The following PRSS23 variants were observed in gnomAD, a reference collection of about 807,000 sequenced individuals.
The protein encoded by PRSS23 is protease, serine 23.
In PRSS23, 25 loss-of-function variants were observed where a neutral mutation model predicts 34.7. The observed-to-expected ratio is 0.72, with a 90% CI of 0.53 to 1.01. The LOEUF is 1.01. Among genes scored for constraint, PRSS23 ranks in the 50% least tolerant of loss-of-function variants. The pLI is 0.00. For missense variants in PRSS23, 445 were observed against 475.6 expected (o/e 0.94, Z 0.60); for synonymous variants, 176 against 186.6 (o/e 0.94, Z 0.46).
chr11:86,951,341 G>A lies in PRSS23; in HGVS notation c.*56G>A, dbSNP rs1413356238. Reference sequence around the variant, plus strand: ...TTTCAACATTTCAACAGCCATGTTGGAATCATCTGCAGAATACCGAAAAAG... The same window carrying A: ...TTTCAACATTTCAACAGCCATGTTGAAATCATCTGCAGAATACCGAAAAAG... On this transcript the variant is annotated 3_prime_UTR_variant, in exon 3 of 3. Coordinates refer to the PRSS23 transcript ENST00000533902. The A allele has an allele frequency of 6.2e-6, 10 of 1,612,622 alleles. No homozygotes were observed. The highest frequency in any genetic ancestry group is 8.5e-6 in the Non-Finnish European group (10 of 1,178,736).
chr11:86,797,594 C>T (rs549104718), upstream of PRSS23, among the ~76,000 whole-genome samples: 3 of 152,280 alleles, frequency 2.0e-5, no homozygotes, highest in Admixed American at 6.5e-5. Context: ...GTTTTTCTCT[C>T]TGAGTGATGG....
intron 2 of PRSS23, among the ~76,000 whole-genome samples, chr11:86,915,491 G>A (rs552503335): frequency 2.1e-4 from 31 of 150,488 alleles, no homozygotes; most frequent in Non-Finnish European, 2.2e-4. Flanking sequence ...AAAAGAGGCC[G>A]GTGATGTCAC....
chr11:86,927,581 A>G (rs779678669), intron 2 of PRSS23, among the ~76,000 whole-genome samples: 28 of 152,078 alleles, frequency 1.8e-4, no homozygotes, highest in Admixed American at 4.6e-4. Flanking sequence ...TCCTAAGCTC[A>G]AGCAGTCCTC....
In PRSS23 at chr11:86,808,313, G is replaced by A; in HGVS notation, c.670G>A (p.Val224Met). The A allele has an allele frequency of 6.2e-7, 1 of 1,614,178 alleles. No homozygotes were observed. ...GCAGATGAAATTTCAGTGGATCCGG[G>A]TGAAACGCACCCATGTGCCCAAGGG... is the stretch of plus-strand genomic sequence containing the variant. ...PEQMKFQWIR[V>M]KRTHVPKGWI... The change falls in exon 2 of 2, where the codon GTG (valine) becomes ATG (methionine). Residue 224 changes from valine (V) to methionine (M), a missense_variant. By Grantham distance (21) the Val-to-Met change is conservative. Transcript: ENST00000280258.
At chr11:86,848,962 C>G (rs1948508886) in intron 2 of PRSS23, among the ~76,000 whole-genome samples, 1 of 152,180 alleles carries the variant, frequency 6.6e-6, no homozygotes, top group Admixed American at 6.5e-5. Context: ...GCCCCCTCGC[C>G]CATGTCCAAT....
At chr11:86,821,721 ACTGT>A (rs1274111083) in intron 1 of PRSS23, 12 of 1,425,258 alleles carry the variant, frequency 8.4e-6, no homozygotes, top group East Asian at 2.3e-5. Context: ...CAGCTAGTGT[ACTGT>A]CTATTTCTTC....
intron 1 of PRSS23, among the ~76,000 whole-genome samples, chr11:86,803,630 C>G (rs1488325725): frequency 1.3e-5 from 2 of 152,134 alleles, no homozygotes; most frequent in Non-Finnish European, 2.9e-5. Flanking sequence ...AGGAAAGACC[C>G]TTAATGGACA....
At chr11:86,843,111 A>G (rs528565991) in intron 2 of PRSS23, among the ~76,000 whole-genome samples, 1 of 152,286 alleles carries the variant, frequency 6.6e-6, no homozygotes, top group East Asian at 1.9e-4. Context: ...CTCAGAAATA[A>G]CACCACTCAT....
At chr11:86,813,207 T>A (rs577211333), downstream of PRSS23, among the ~76,000 whole-genome samples, 1 of 152,350 alleles carries the variant, frequency 6.6e-6, no homozygotes, top group Admixed American at 6.5e-5. Context: ...CTGTCTCAAG[T>A]ACACAGCCAG....
At chr11:86,885,880 A>C (rs1397563436) in intron 2 of PRSS23, among the ~76,000 whole-genome samples, 1 of 152,216 alleles carries the variant, frequency 6.6e-6, no homozygotes, top group African/African-American at 2.4e-5. Flanking sequence ...TTAAAAGAAG[A>C]ATTCAGAAAA....
At chr11:86,930,917 CG>C (rs746942259) in intron 2 of PRSS23, among the ~76,000 whole-genome samples, 67 of 152,090 alleles carry the variant, frequency 4.4e-4, no homozygotes, top group Admixed American at 2.9e-3. Context: ...AGAAAAACAG[CG>C]GGCAGGAAGA....
chr11:86,873,003 C>G (rs1464375896), intron 2 of PRSS23, among the ~76,000 whole-genome samples: 1 of 151,986 alleles, frequency 6.6e-6, no homozygotes, highest in Non-Finnish European at 1.5e-5. Flanking sequence ...TGGACTCAAT[C>G]AACTATTAAT....
chr11:86,807,547 C>G (rs1321934931), intron 1 of PRSS23, 84 bp from the exon 2 acceptor site: 24 of 1,266,498 alleles, frequency 1.9e-5, no homozygotes, highest in Non-Finnish European at 2.6e-5. Context: ...GAAACAATGA[C>G]AGGCCTGCTG....
intron 2 of PRSS23, among the ~76,000 whole-genome samples, chr11:86,930,082 G>GTA (rs772448595): frequency 2.6e-5 from 4 of 151,682 alleles, no homozygotes; most frequent in Non-Finnish European, 5.9e-5. Context: ...AGTTATAGTG[G>GTA]TATAGTATGT....
chr11:86,944,468 C>T (rs1247067314), intron 2 of PRSS23, among the ~76,000 whole-genome samples: 1 of 152,044 alleles, frequency 6.6e-6, no homozygotes, highest in Non-Finnish European at 1.5e-5. Context: ...AATAAAAATA[C>T]AACCAAAACC....
intron 2 of PRSS23, among the ~76,000 whole-genome samples, chr11:86,940,374 T>G (rs1223254339): frequency 6.6e-6 from 1 of 152,190 alleles, no homozygotes; most frequent in Non-Finnish European, 1.5e-5. Context: ...AAGCAAAGAT[T>G]CGGCTCATTG....
intron 2 of PRSS23, chr11:86,937,807 T>C (rs987222408): frequency 6.6e-6 from 1 of 152,220 alleles, no homozygotes; most frequent in Non-Finnish European, 1.5e-5. Flanking sequence ...TTAATAAACT[T>C]GCTTTCACTT....
At chr11:86,820,298 G>A (rs1444964411) in intron 1 of PRSS23, among the ~76,000 whole-genome samples, 1 of 152,176 alleles carries the variant, frequency 6.6e-6, no homozygotes, top group Non-Finnish European at 1.5e-5. Context: ...GTAGTATAAT[G>A]TAATTGCTAA....
chr11:86,906,853 T>C (rs1948946665), intron 2 of PRSS23, among the ~76,000 whole-genome samples: 1 of 152,136 alleles, frequency 6.6e-6, no homozygotes, highest in African/African-American at 2.4e-5. Flanking sequence ...TGTATCTCTG[T>C]ACAAATTAAG....
Sources: gnomAD v4.1 joint callset for allele counts (sites outside exome capture counted in the v4.1 genomes callset) on GRCh38, gnomAD v4.1.1 for gene constraint, MANE v1.5 for transcripts, NCBI Gene and HGNC (gene_info 2026-07-23, HGNC 2026-07-21) for gene names.